MOV10: variants seen among roughly 807,000 people sequenced by gnomAD.
The protein encoded by MOV10 is Mov10 RNA helicase.
Under a neutral mutation model 108.4 loss-of-function variants are expected in MOV10, and 39 were observed. The observed-to-expected ratio is 0.36, with a 90% CI of 0.28 to 0.47. The LOEUF (loss-of-function observed/expected upper bound fraction) is 0.47. Ranked by LOEUF, MOV10 falls within the 20% of genes least tolerant of loss-of-function variation. MOV10 has a pLI of 1.00. For synonymous variants in MOV10, 490 were observed against 523.1 expected, an observed-to-expected ratio of 0.94 and a Z score of 0.86; for missense variants, 952 against 1,297.6, an observed-to-expected ratio of 0.73 and a Z score of 4.09.
chr1:112,688,626 T>A, intron 2 of MOV10: 1 of 1,273,130 alleles, frequency 7.9e-7, no homozygotes, highest in Non-Finnish European at 1.0e-6. Context: ...TATGTCTTTC[T>A]CTGTCTTCCC....
Position 112,700,558 on chromosome 1 carries a change from G to T in MOV10, c.*51G>T. On this transcript the variant is annotated 3_prime_UTR_variant, in exon 21 of 21. Coordinates refer to ENST00000369645, the MANE Select transcript of MOV10 (RefSeq NM_001321324.2). ...CCAGCCAAGCCTTAACTGCCTGCCT[G>T]ACCCTGAACCAGAACCCAGCTGAAC... 1.2e-6 allele frequency: 2 copies of T among 1,603,328 alleles called. No homozygotes were observed. The highest frequency in any genetic ancestry group is 2.2e-5 in the South Asian group (2 of 89,702).
In MOV10 at chr1:112,696,686, G is replaced by A; in HGVS notation, c.2038G>A (p.Asp680Asn). The change falls in exon 14 of 21, where the codon GAC (aspartate) becomes AAC (asparagine). Residue 680 changes from aspartate to asparagine, a missense_variant. Transcript: ENST00000369645. The part of the protein sequence containing the change: ...DPGGQLVLAG[D>N]PRQLGPVLRS... Reference sequence around the variant, plus strand: ...AGGAGGGCAGCTGGTGCTGGCAGGAGACCCTCGGCAGCTGGGGCCTGTGCT... The same window carrying A: ...AGGAGGGCAGCTGGTGCTGGCAGGAAACCCTCGGCAGCTGGGGCCTGTGCT... The A allele has an allele frequency of 6.2e-7, 1 of 1,610,386 alleles. No individual in the cohort carries two copies. Among genetic ancestry groups the A allele is most frequent in the Non-Finnish European group, 8.5e-7 (1 of 1,178,450 alleles).
intron 14 of MOV10, among the ~76,000 whole-genome samples, chr1:112,697,414 G>C (rs540907310): frequency 5.3e-4 from 81 of 152,290 alleles, no homozygotes; most frequent in African/African-American, 1.9e-3. Context: ...AGGTTGCAGT[G>C]AGCTGAGATC....
At chr1:112,687,046 T>C (rs1265824518) in intron 2 of MOV10, 1 of 456,522 alleles carries the variant, frequency 2.2e-6, no homozygotes, top group Non-Finnish European at 4.4e-6. Flanking sequence ...ACTCCCCTGC[T>C]TAAAACCCAC....
At chr1:112,687,462 T>C in intron 2 of MOV10, among the ~76,000 whole-genome samples, 1 of 152,124 alleles carries the variant, frequency 6.6e-6, no homozygotes, top group East Asian at 1.9e-4. Context: ...TAAGGGAGGG[T>C]GTCAGTCATC....
chr1:112,699,543 C>T lies in MOV10; in HGVS notation c.2584-142C>T. On this transcript the variant is annotated intron_variant, in intron 17 of 20. Coordinates refer to ENST00000369645, the MANE Select transcript of MOV10 (RefSeq NM_001321324.2). Reference sequence around the variant, plus strand: ...CTACCTCCCATCCCCTTTCCCTGGGCCGTGTCGCAGCACTGGTTCACTCAC... The same window carrying T: ...CTACCTCCCATCCCCTTTCCCTGGGTCGTGTCGCAGCACTGGTTCACTCAC... 5.3e-6 allele frequency: 8 copies of T among 1,495,958 alleles called. No homozygotes were observed. The South Asian group carries it at 1.1e-4, about 21-fold the overall frequency. 92.7% of individuals were successfully genotyped at this position (1,495,958 alleles called of 1,614,324 possible).
intron 12 of MOV10, 51 bp downstream of exon 12, chr1:112,696,302 G>A: frequency 6.8e-7 from 1 of 1,476,678 alleles, no homozygotes; most frequent in Non-Finnish European, 9.5e-7. Context: ...AATTAAAGGG[G>A]TACCGGGCTG....
Position 112,694,580 on chromosome 1 carries a change from C to T in MOV10, c.1423C>T (p.Pro475Ser). ...GRWLLWPMLF[P>S]VAPRDVPLLP... ...CTGGCTGCTGTGGCCCATGCTCTTT[C>T]CTGTGGCACCTCGGGACGTCCCGCT... is the stretch of plus-strand genomic sequence containing the variant. The change falls in exon 9 of 21, where the codon CCT becomes TCT. Residue 475 changes from proline to serine, a missense_variant. This residue lies in a region of MOV10 where 453 missense variants were observed against 611.5 expected (regional missense o/e 0.74). Coordinates refer to ENST00000369645, the MANE Select transcript of MOV10 (RefSeq NM_001321324.2). This position sits in a 1 kb window ranked among gnomAD's most constrained non-coding sequence, Gnocchi z 4.1. 1 of 1,613,096 alleles carries T rather than the reference C, an allele frequency of 6.2e-7. No individual in the cohort carries two copies. The highest frequency in any genetic ancestry group is 8.5e-7 in the Non-Finnish European group (1 of 1,179,412).
At chr1:112,685,792 T>C (rs1216605319) in intron 2 of MOV10, among the ~76,000 whole-genome samples, 1 of 152,228 alleles carries the variant, frequency 6.6e-6, no homozygotes, top group Non-Finnish European at 1.5e-5. Flanking sequence ...AATTTTTGTA[T>C]GACTGTTACC....
intron 2 of MOV10, chr1:112,688,390 C>T: frequency 1.0e-6 from 1 of 995,670 alleles, no homozygotes; most frequent in Non-Finnish European, 1.2e-6. Context: ...TGGGTTCCAC[C>T]TGCACCCTAT....
intron 2 of MOV10, among the ~76,000 whole-genome samples, chr1:112,688,134 A>G (rs763831133): frequency 1.4e-4 from 22 of 151,986 alleles, no homozygotes; most frequent in Non-Finnish European, 2.6e-4. Context: ...GCTGGAATGT[A>G]TATGTTCAGT....
intron 11 of MOV10, 136 bp from the exon 12 acceptor site, chr1:112,696,012 A>T: frequency 1.5e-6 from 1 of 688,520 alleles, no homozygotes; most frequent in Middle Eastern, 4.1e-4. Flanking sequence ...ATGGCACTCC[A>T]GCCTGGGGGA....
At position 112,694,252 on chromosome 1, in the gene MOV10, A is replaced by C; in HGVS notation, c.1295+80A>C. ...AGGGGAGGAGGAGTGTTTCTCCCTG[A>C]GATAAATGAGACCCCGGGGCAGAGC... On this transcript the variant is annotated intron_variant, in intron 8 of 20. Transcript: ENST00000369645. The surrounding 1 kb of genome is among the most constrained non-coding windows in gnomAD (Gnocchi z 4.1). The C allele has an allele frequency of 6.5e-7, 1 of 1,547,354 alleles. No individual in the cohort carries two copies. The highest frequency in any genetic ancestry group is 8.9e-7 in the Non-Finnish European group (1 of 1,123,512).
chr1:112,681,799 C>T (rs1476461855), intron 2 of MOV10, among the ~76,000 whole-genome samples: 1 of 152,020 alleles, frequency 6.6e-6, no homozygotes, highest in Non-Finnish European at 1.5e-5. Flanking sequence ...CAGTACACTT[C>T]ACTCCAACAA....
At chr1:112,678,190 G>A (rs1386969055) in intron 2 of MOV10, among the ~76,000 whole-genome samples, 1 of 152,038 alleles carries the variant, frequency 6.6e-6, no homozygotes, top group Non-Finnish European at 1.5e-5. Context: ...AGTTGTCCTA[G>A]GCAAAGCATT....
chr1:112,694,872 C>CA lies in MOV10; in HGVS notation c.1597dup (p.Thr533AsnfsTer7), dbSNP rs1484309258. On this transcript the variant is annotated frameshift_variant, in exon 10 of 21. Coordinates refer to ENST00000369645, the MANE Select transcript of MOV10 (RefSeq NM_001321324.2). LOFTEE classifies it high-confidence loss of function. The surrounding 1 kb of genome is among the most constrained non-coding windows in gnomAD (Gnocchi z 4.1). ...GGCCTCCAGGCACCGGCAAGACTGT[C>CA]ACGTTAGTGGAGGCAATTAAGCAGG... is the stretch of plus-strand genomic sequence containing the variant. 6.2e-7 allele frequency: 1 copy of CA among 1,614,154 alleles called. No homozygotes were observed. The highest frequency in any genetic ancestry group is 8.5e-7 in the Non-Finnish European group (1 of 1,180,032).
At chr1:112,688,783 C>T in intron 2 of MOV10, 152 bp from the exon 3 acceptor site, 2 of 1,472,810 alleles carry the variant, frequency 1.4e-6, no homozygotes, top group East Asian at 4.7e-5. Context: ...GATCCCCAGC[C>T]TGAGTCTCTC....
chr1:112,696,884 G>A lies in MOV10; in HGVS notation c.2198+38G>A, dbSNP rs374040663. Reference sequence around the variant, plus strand: ...CCTTGCCTCCCCTGCCATATCCTATGCTTTCACATCCTGCATGCAGACCCC... The same window carrying A: ...CCTTGCCTCCCCTGCCATATCCTATACTTTCACATCCTGCATGCAGACCCC... On this transcript the variant is annotated intron_variant, in intron 14 of 20. Coordinates refer to ENST00000369645, the MANE Select transcript of MOV10 (RefSeq NM_001321324.2). The A allele has an allele frequency of 5.0e-5, 75 of 1,510,272 alleles. 1 individual carries two copies. The African/African-American group carries it at 8.2e-4, about 17-fold the overall frequency. 93.6% of individuals were successfully genotyped at this position (1,510,272 alleles called of 1,614,324 possible).
chr1:112,696,970 T>A, intron 14 of MOV10, 124 bp downstream of exon 14: 1 of 820,486 alleles, frequency 1.2e-6, no homozygotes, highest in South Asian at 1.7e-5. Context: ...GCAGAAAGAC[T>A]AAACTGGAAG....
Sources: allele counts gnomAD v4.1 joint callset (sites outside exome capture counted in the v4.1 genomes callset), GRCh38; gene constraint gnomAD v4.1.1; regional missense constraint gnomAD v4.1.1; non-coding constraint Gnocchi (gnomAD v3.1); transcripts MANE v1.5; gene names NCBI Gene and HGNC (gene_info 2026-07-23, HGNC 2026-07-21).